Variants in HOOK3 observed in about 807,000 individuals in gnomAD.
HOOK3 encodes the protein protein Hook homolog 3.
HOOK3 carries 24 observed loss-of-function variants against 116.3 expected under a neutral mutation model. The observed-to-expected ratio is 0.21, with a 90% CI of 0.15 to 0.29. The LOEUF is 0.29. Ranked by LOEUF, HOOK3 falls within the 10% of genes least tolerant of loss-of-function variation. The pLI is 1.00. For missense variants in HOOK3, 632 were observed against 830.2 expected (o/e 0.76, Z 2.93); for synonymous variants, 275 against 283.0 (o/e 0.97, Z 0.28).
intron 18 of HOOK3, among the ~76,000 whole-genome samples, chr8:43,009,967 T>C (rs550470154): frequency 6.6e-6 from 1 of 152,248 alleles, no homozygotes; most frequent in East Asian, 1.9e-4. Flanking sequence ...CTCCATATCA[T>C]AGCATGTGTC....
At chr8:43,010,478 C>A in intron 19 of HOOK3, 73 bp downstream of exon 19, 2 of 418,814 alleles carry the variant, frequency 4.8e-6, no homozygotes, top group South Asian at 3.7e-5. Flanking sequence ...ATATAATGGA[C>A]GGACACTACA....
chr8:42,944,071 A>G (rs190840097), intron 5 of HOOK3, among the ~76,000 whole-genome samples: 1 of 152,344 alleles, frequency 6.6e-6, no homozygotes, highest in African/African-American at 2.4e-5. Flanking sequence ...ATAGTATTAC[A>G]TATATCAAAA....
intron 15 of HOOK3, among the ~76,000 whole-genome samples, chr8:42,987,114 G>A (rs141281695): frequency 0.013 from 1,963 of 152,152 alleles, 43 homozygotes; most frequent in African/African-American, 0.044. Context: ...GTGAGCCAAG[G>A]CCACACCACT....
chr8:42,947,054 C>A (rs1808244577), intron 5 of HOOK3, among the ~76,000 whole-genome samples: 1 of 152,178 alleles, frequency 6.6e-6, no homozygotes, highest in African/African-American at 2.4e-5. Context: ...CAGGCATGAG[C>A]CACTGCGCCT....
intron 7 of HOOK3, among the ~76,000 whole-genome samples, chr8:42,957,561 T>C (rs572528453): frequency 1.3e-5 from 2 of 152,310 alleles, no homozygotes; most frequent in African/African-American, 2.4e-5. Flanking sequence ...AAATGAAATA[T>C]ACAGTTGTCA....
intron 15 of HOOK3, among the ~76,000 whole-genome samples, chr8:42,994,115 A>C (rs1431538846): frequency 6.6e-6 from 1 of 152,100 alleles, no homozygotes; most frequent in Admixed American, 6.6e-5. Flanking sequence ...TCCTGGGTTC[A>C]AGTGATTCTC....
At chr8:42,931,292 A>AT (rs1807867308) in intron 4 of HOOK3, among the ~76,000 whole-genome samples, 1 of 151,768 alleles carries the variant, frequency 6.6e-6, no homozygotes, top group South Asian at 2.1e-4. Context: ...CCAGGGCCAC[A>AT]TTCACCCCTC....
At chr8:42,974,292 T>C in intron 13 of HOOK3, 98 bp downstream of exon 13, 2 of 817,640 alleles carry the variant, frequency 2.4e-6, no homozygotes, top group Non-Finnish European at 4.1e-6. Flanking sequence ...TGGCACTGTC[T>C]TGGCTCACTG....
Position 42,943,296 on chromosome 8 carries a change from CT to C in HOOK3, c.268-13del. Reference sequence around the variant, plus strand: ...TATAAATGTAAATGCAATTATAATCCTTTTATCTCCATTCAGATTTTAGGAC... The same window carrying C: ...TATAAATGTAAATGCAATTATAATCCTTTATCTCCATTCAGATTTTAGGAC... On this transcript the variant is annotated splice_polypyrimidine_tract_variant and intron_variant, in intron 4 of 21. Coordinates refer to ENST00000307602, the MANE Select transcript of HOOK3 (RefSeq NM_032410.4). 7.0e-7 allele frequency: 1 copy of C among 1,423,968 alleles called. No individual in the cohort carries two copies. Among genetic ancestry groups the C allele is most frequent in the Non-Finnish European group, 9.3e-7 (1 of 1,073,100 alleles). The allele number at this position is 1,423,968 out of a possible 1,614,324, so 88.2% of individuals were successfully genotyped here.
chr8:42,970,386 A>G (rs1352929263), intron 11 of HOOK3, among the ~76,000 whole-genome samples: 4 of 152,188 alleles, frequency 2.6e-5, no homozygotes, highest in African/African-American at 7.2e-5. Flanking sequence ...TCCTTTTTCA[A>G]AAGTGTCTGT....
At chr8:42,907,142 A>G (rs1471621265) in intron 2 of HOOK3, among the ~76,000 whole-genome samples, 1 of 152,194 alleles carries the variant, frequency 6.6e-6, no homozygotes. Flanking sequence ...ATACTTTTAT[A>G]TTTTGAAGCC....
At chr8:43,011,566 C>T (rs1809613261) in intron 19 of HOOK3, among the ~76,000 whole-genome samples, 1 of 151,878 alleles carries the variant, frequency 6.6e-6, no homozygotes, top group South Asian at 2.1e-4. Context: ...TGGGCTTGAA[C>T]ATTTTGATAG....
At chr8:42,933,604 T>C (rs1417604132) in intron 4 of HOOK3, among the ~76,000 whole-genome samples, 1 of 152,258 alleles carries the variant, frequency 6.6e-6, no homozygotes, top group Non-Finnish European at 1.5e-5. Context: ...GAATTCGGTG[T>C]ATTTCTCTTT....
intron 15 of HOOK3, among the ~76,000 whole-genome samples, chr8:42,989,915 A>G (rs756142730): frequency 3.9e-5 from 6 of 152,120 alleles, no homozygotes; most frequent in Non-Finnish European, 8.8e-5. Context: ...AAATGACAGG[A>G]TTTCATTCTT....
intron 4 of HOOK3, among the ~76,000 whole-genome samples, chr8:42,936,106 C>A (rs2130372719): frequency 6.6e-6 from 1 of 152,350 alleles, no homozygotes; most frequent in African/African-American, 2.4e-5. Flanking sequence ...AGGTCCTTCA[C>A]ATCCCTTGTG....
At chr8:42,961,217 G>C (rs1405732349) in intron 8 of HOOK3, among the ~76,000 whole-genome samples, 4 of 152,228 alleles carry the variant, frequency 2.6e-5, no homozygotes, top group African/African-American at 7.2e-5. Flanking sequence ...TTCAACATGA[G>C]ATTTGGAGGG....
Position 43,021,903 on chromosome 8 carries a change from T to A in HOOK3, c.*3405T>A, listed in dbSNP as rs1415193055. 5.9e-6 allele frequency: 1 copy of A among 168,202 alleles called. No individual in the cohort carries two copies. Among genetic ancestry groups the A allele is most frequent in the Non-Finnish European group, 1.3e-5 (1 of 77,438 alleles). 10.4% of individuals were successfully genotyped at this position (168,202 alleles called of 1,614,324 possible). On this transcript the variant is annotated 3_prime_UTR_variant, in exon 22 of 22. Transcript: ENST00000307602. ...CCAGGATGGTCTCGATCTCCTGACC[T>A]CGTGATCCACCCGCCTCAGCCTCCC...
intron 16 of HOOK3, among the ~76,000 whole-genome samples, chr8:43,000,636 T>C (rs181883474): frequency 6.6e-6 from 1 of 152,258 alleles, no homozygotes; most frequent in East Asian, 1.9e-4. Context: ...ATAGGAAGCA[T>C]AGAGGTGAAG....
At chr8:43,005,180 GCTCT>G (rs577303409) in intron 17 of HOOK3, among the ~76,000 whole-genome samples, 1 of 113,354 alleles carries the variant, frequency 8.8e-6, no homozygotes, top group Non-Finnish European at 1.7e-5. Flanking sequence ...AAAATTAAGT[GCTCT>G]CTCTCTCTCT....
Sources: gnomAD v4.1 joint callset for allele counts (sites outside exome capture counted in the v4.1 genomes callset) on GRCh38, gnomAD v4.1.1 for gene constraint, MANE v1.5 for transcripts, NCBI Gene and HGNC (gene_info 2026-07-23, HGNC 2026-07-21) for gene names.